MYO18B: variants seen among roughly 807,000 people sequenced by gnomAD.
MYO18B encodes unconventional myosin-XVIIIb.
In MYO18B, 204 loss-of-function variants were observed where a neutral mutation model predicts 273.0. That is an observed-to-expected ratio of 0.75 (90% CI 0.67 to 0.84). MYO18B has a LOEUF of 0.84. MYO18B is among the 40% of genes least tolerant of loss of function. The probability of loss-of-function intolerance (pLI) is 0.00; values close to 1 mark genes in which losing one functional copy is unlikely to be tolerated. For synonymous variants in MYO18B, 1,330 were observed against 1,305.7 expected, an observed-to-expected ratio of 1.02 and a Z score of -0.40; for missense variants, 3,212 against 3,287.6, an observed-to-expected ratio of 0.98 and a Z score of 0.56.
At chr22:25,763,043 A>G (rs1458472018) in intron 2 of MYO18B, 188 bp from the exon 3 acceptor site, 1 of 766,388 alleles carries the variant, frequency 1.3e-6, no homozygotes, top group Non-Finnish European at 2.4e-6. Context: ...TTCCATTTTC[A>G]TGCGCTGTCT....
the MYO18B span, among the ~76,000 whole-genome samples, chr22:26,047,737 C>T: frequency 6.6e-6 from 1 of 152,098 alleles, no homozygotes; most frequent in Admixed American, 6.5e-5. Context: ...GAAAATATTT[C>T]ATTATATTGG....
At chr22:26,020,811 G>T (rs186317773) in intron 42 of MYO18B, among the ~76,000 whole-genome samples, 1 of 152,122 alleles carries the variant, frequency 6.6e-6, no homozygotes, top group Non-Finnish European at 1.5e-5. Flanking sequence ...CTGGGGGCCC[G>T]GGCACCGTGA....
chr22:25,785,660 G>A (rs1173690107), intron 11 of MYO18B, among the ~76,000 whole-genome samples, 169 bp downstream of exon 11: 1 of 152,164 alleles, frequency 6.6e-6, no homozygotes, highest in East Asian at 1.9e-4. Flanking sequence ...GGCTTATTGG[G>A]TAAAGAAGAC....
intron 40 of MYO18B, among the ~76,000 whole-genome samples, chr22:25,998,059 A>G (rs967986419): frequency 6.6e-6 from 1 of 152,068 alleles, no homozygotes. Context: ...AAAAAGTCAC[A>G]TTTCCCCATG....
chr22:25,743,646 TCTC>T (rs930597128), intron 1 of MYO18B, among the ~76,000 whole-genome samples: 25 of 152,110 alleles, frequency 1.6e-4, no homozygotes, highest in Admixed American at 1.6e-3. Flanking sequence ...AGTCTCCTGG[TCTC>T]CTGGCTTTTG....
At chr22:26,050,332 G>A in the MYO18B span, among the ~76,000 whole-genome samples, 1 of 152,170 alleles carries the variant, frequency 6.6e-6, no homozygotes. Flanking sequence ...CTGTCATCAT[G>A]GGGACAAGGT....
At chr22:25,951,888 A>G (rs1024701456) in intron 37 of MYO18B, among the ~76,000 whole-genome samples, 1 of 152,206 alleles carries the variant, frequency 6.6e-6, no homozygotes, top group African/African-American at 2.4e-5. Context: ...TCAGACTCAC[A>G]CACCAGGCAG....
chr22:25,780,306 A>C (rs1469568893), intron 9 of MYO18B, 108 bp downstream of exon 9: 28 of 1,350,560 alleles, frequency 2.1e-5, no homozygotes, highest in Non-Finnish European at 2.5e-5. Context: ...GATGTGTCTG[A>C]AATGGTCATG....
At chr22:25,761,235 C>CA in intron 2 of MYO18B, 104 bp downstream of exon 2, 1 of 1,294,516 alleles carries the variant, frequency 7.7e-7, no homozygotes, top group Non-Finnish European at 1.1e-6. Flanking sequence ...GTCTGACATC[C>CA]AGCCCTCCTA....
At chr22:25,939,772 A>T (rs5997004) in intron 34 of MYO18B, among the ~76,000 whole-genome samples, 125,403 of 152,104 alleles carry the variant, frequency 0.82, 52,780 homozygotes, top group Middle Eastern at 0.96. Context: ...TCCAAGGGAG[A>T]GCAAGGTAAT....
chr22:25,888,328 AT>A (rs2091562693), intron 25 of MYO18B, among the ~76,000 whole-genome samples: 1 of 152,044 alleles, frequency 6.6e-6, no homozygotes, highest in Non-Finnish European at 1.5e-5. Context: ...CAGTGGTGTG[AT>A]CATAGCTGCT....
At chr22:25,743,666 T>C (rs1175998667) in intron 1 of MYO18B, among the ~76,000 whole-genome samples, 1 of 152,180 alleles carries the variant, frequency 6.6e-6, no homozygotes, top group Non-Finnish European at 1.5e-5. Flanking sequence ...TTTGAAGGGC[T>C]GCATGTTACC....
chr22:25,987,003 A>C (rs761056049), intron 39 of MYO18B, among the ~76,000 whole-genome samples: 1 of 152,210 alleles, frequency 6.6e-6, no homozygotes, highest in African/African-American at 2.4e-5. Context: ...AAGCAACAAG[A>C]TGAATTTTCG....
chr22:25,902,901 G>C (rs1414413857), intron 30 of MYO18B, 165 bp downstream of exon 30: 16 of 751,826 alleles, frequency 2.1e-5, no homozygotes, highest in Middle Eastern at 3.4e-4. Context: ...AGCAAATGGT[G>C]GCTGGTAAAT....
At chr22:25,983,993 T>C (rs181485444) in intron 39 of MYO18B, among the ~76,000 whole-genome samples, 1 of 152,344 alleles carries the variant, frequency 6.6e-6, no homozygotes. Context: ...TAGACATCAT[T>C]TTCTGAAAAA....
chr22:25,993,105 T>G (rs2093286782), intron 40 of MYO18B, among the ~76,000 whole-genome samples: 1 of 152,192 alleles, frequency 6.6e-6, no homozygotes, highest in Non-Finnish European at 1.5e-5. Flanking sequence ...TTCTTGCCTT[T>G]CTCAGAAGAT....
At chr22:25,828,592 C>T (rs1467939517) in intron 14 of MYO18B, among the ~76,000 whole-genome samples, 184 bp from the exon 15 acceptor site, 1 of 151,850 alleles carries the variant, frequency 6.6e-6, no homozygotes, top group Non-Finnish European at 1.5e-5. Context: ...TAAGCCTACT[C>T]ACCCCCATCC....
At chr22:25,834,343 G>A (rs562601300) in intron 16 of MYO18B, among the ~76,000 whole-genome samples, 3 of 152,108 alleles carry the variant, frequency 2.0e-5, no homozygotes, top group East Asian at 3.9e-4. Flanking sequence ...CCTTCTGAGC[G>A]TGGGCTGGCT....
intron 34 of MYO18B, among the ~76,000 whole-genome samples, chr22:25,922,480 C>G (rs1444478541): frequency 6.6e-6 from 1 of 152,104 alleles, no homozygotes; most frequent in Admixed American, 6.5e-5. Flanking sequence ...GCTACCGGTC[C>G]CCATGGGGAG....
Sources: allele counts gnomAD v4.1 joint callset (sites outside exome capture counted in the v4.1 genomes callset), GRCh38; gene constraint gnomAD v4.1.1; transcripts MANE v1.5; gene names NCBI Gene and HGNC (gene_info 2026-07-23, HGNC 2026-07-21).